Variants in GADL1 observed in about 807,000 individuals in gnomAD.
The protein encoded by GADL1 is GAD like acidic amino acid decarboxylase 1, also known as acidic amino acid decarboxylase GADL1.
In GADL1, 71 loss-of-function variants were observed where a neutral mutation model predicts 69.5. That is an observed-to-expected ratio of 1.02 (90% CI 0.84 to 1.25). The LOEUF (loss-of-function observed/expected upper bound fraction) is 1.25. Ranked by LOEUF, GADL1 falls within the 50% of genes most tolerant of loss-of-function variation. The pLI is 0.00. For missense variants in GADL1, 737 were observed against 631.8 expected (o/e 1.17, Z -1.79); for synonymous variants, 254 against 214.4 (o/e 1.18, Z -1.62).
chr3:30,785,147 G>A (rs6806588), intron 13 of GADL1, among the ~76,000 whole-genome samples: 34,847 of 151,716 alleles, frequency 0.23, 4,704 homozygotes, highest in Non-Finnish European at 0.3. Context: ...TCTATAACCT[G>A]TCTAATTATT....
intron 14 of GADL1, among the ~76,000 whole-genome samples, chr3:30,740,287 CT>C (rs1046779798): frequency 2.2e-4 from 33 of 152,164 alleles, no homozygotes; most frequent in African/African-American, 7.7e-4. Context: ...TATTCAAGAT[CT>C]TTTTTTGGGA....
chr3:30,752,086 T>G (rs908397740), intron 14 of GADL1, among the ~76,000 whole-genome samples: 1 of 150,330 alleles, frequency 6.7e-6, no homozygotes, highest in East Asian at 1.9e-4. Context: ...TTCGTTAAAG[T>G]ACTGCTGTGG....
At chr3:30,803,069 G>A (rs887113899) in intron 11 of GADL1, among the ~76,000 whole-genome samples, 10 of 152,186 alleles carry the variant, frequency 6.6e-5, no homozygotes, top group Non-Finnish European at 1.2e-4. Context: ...ACCAGCCTAC[G>A]CAACACAGTG....
chr3:30,860,242 C>T (rs1314055768), intron 2 of GADL1, among the ~76,000 whole-genome samples: 1 of 151,840 alleles, frequency 6.6e-6, no homozygotes, highest in Non-Finnish European at 1.5e-5. Flanking sequence ...TACTGGGACC[C>T]CCCGCTGCCT....
chr3:30,839,514 C>CAAAAAAAA (rs764490080), intron 8 of GADL1, among the ~76,000 whole-genome samples: 3 of 105,648 alleles, frequency 2.8e-5, no homozygotes, highest in Middle Eastern at 5.3e-3. Flanking sequence ...GTCATCTTCT[C>CAAAAAAAA]AAAAAAAAAA....
At chr3:30,846,815 A>G (rs753654507) in intron 6 of GADL1, among the ~76,000 whole-genome samples, 122 of 152,214 alleles carry the variant, frequency 8.0e-4, no homozygotes, top group Non-Finnish European at 9.3e-4. Context: ...ATCACATCCC[A>G]TCGCAACTCA....
chr3:30,777,679 AT>A (rs112173599), intron 14 of GADL1, among the ~76,000 whole-genome samples: 2 of 152,218 alleles, frequency 1.3e-5, no homozygotes, highest in South Asian at 4.1e-4. Flanking sequence ...TTCCAAGCAC[AT>A]TTTGTTCGAT....
rs138724639 is a variant in GADL1 at position 30,818,132 on chromosome 3, C to A, written c.1050+15721G>T. Reference sequence around the variant, plus strand: ...ATCCATAGACATGGGCATAATGAACCCTTGCTCCATCCCGCTGCCCTACCA... The same window carrying A: ...ATCCATAGACATGGGCATAATGAACACTTGCTCCATCCCGCTGCCCTACCA... On this transcript the variant is annotated intron_variant, in intron 11 of 14. Coordinates refer to ENST00000282538, the MANE Select transcript of GADL1 (RefSeq NM_207359.3). Among the ~76,000 whole-genome samples, 463 of 152,184 alleles carry A rather than the reference C, an allele frequency of 3.0e-3. 2 individuals are homozygous for A. The highest frequency in any genetic ancestry group is 0.01 in the African/African-American group (435 of 41,522).
Position 30,758,286 on chromosome 3 carries a change from G to A in GADL1, c.1392+19893C>T, listed in dbSNP as rs1345426114. 2.0e-5 allele frequency among the ~76,000 whole-genome samples: 3 copies of A among 152,190 alleles called. No homozygotes were observed. In the East Asian group the frequency reaches 5.8e-4, roughly 29 times the overall value. Reference sequence around the variant, plus strand: ...TGAACACCTTTGACAGCTTGGTGGAGCACTCCACTCTCTGAAAGAGCCCCT... The same window carrying A: ...TGAACACCTTTGACAGCTTGGTGGAACACTCCACTCTCTGAAAGAGCCCCT... On this transcript the variant is annotated intron_variant, in intron 14 of 14. Coordinates refer to ENST00000282538, the MANE Select transcript of GADL1 (RefSeq NM_207359.3).
At chr3:30,820,309 A>G (rs969294232) in intron 11 of GADL1, among the ~76,000 whole-genome samples, 1 of 152,074 alleles carries the variant, frequency 6.6e-6, no homozygotes, top group African/African-American at 2.4e-5. Flanking sequence ...CAACTTCAAT[A>G]AAATCACAAA....
intron 14 of GADL1, among the ~76,000 whole-genome samples, chr3:30,755,898 T>C (rs2125481555): frequency 6.6e-6 from 1 of 152,320 alleles, no homozygotes; most frequent in East Asian, 1.9e-4. Context: ...TTTAAATGGC[T>C]GGTTCCTCTG....
chr3:30,814,298 C>T, intron 11 of GADL1, among the ~76,000 whole-genome samples: 1 of 152,044 alleles, frequency 6.6e-6, no homozygotes, highest in East Asian at 1.9e-4. Context: ...ATAGTTAATC[C>T]CAGAATTTCC....
chr3:30,838,902 G>A (rs777532231), intron 9 of GADL1, 95 bp downstream of exon 9: 6 of 676,912 alleles, frequency 8.9e-6, no homozygotes, highest in Non-Finnish European at 1.3e-5. Flanking sequence ...AAGCGTTGGG[G>A]ACTCCACATC....
At chr3:30,767,268 TTTAAC>T (rs1359149924) in intron 14 of GADL1, among the ~76,000 whole-genome samples, 1 of 152,144 alleles carries the variant, frequency 6.6e-6, no homozygotes, top group Non-Finnish European at 1.5e-5. Context: ...AGATGCCCTT[TTTAAC>T]TTAAAGAGTT....
intron 6 of GADL1, among the ~76,000 whole-genome samples, chr3:30,848,166 A>G (rs916597289): frequency 1.3e-5 from 2 of 152,140 alleles, no homozygotes; most frequent in African/African-American, 4.8e-5. Context: ...TAACAATCCC[A>G]AATAATCAAG....
chr3:30,894,637 G>T lies in GADL1; in HGVS notation c.-23C>A. The T allele has an allele frequency of 1.3e-6, 2 of 1,548,860 alleles. No homozygotes were observed. Among genetic ancestry groups the T allele is most frequent in the Non-Finnish European group, 1.7e-6 (2 of 1,145,478 alleles). The stretch of plus-strand genomic sequence containing the variant: ...CATCTCCGCTCCCCCACTCCAGGCT[G>T]CCCCGGGCGCGGCTCCCGCAGTCTG... On this transcript the variant is annotated 5_prime_UTR_variant, in exon 1 of 15. Coordinates refer to ENST00000282538, the MANE Select transcript of GADL1 (RefSeq NM_207359.3).
intron 6 of GADL1, 22 bp from the exon 7 acceptor site, chr3:30,844,488 G>A (rs1400599375): frequency 6.8e-7 from 1 of 1,470,662 alleles, no homozygotes; most frequent in South Asian, 1.1e-5. Flanking sequence ...GGGACAGTGG[G>A]GAAGGGGGAG....
chr3:30,820,456 A>G (rs1364153288), intron 11 of GADL1, among the ~76,000 whole-genome samples: 1 of 152,188 alleles, frequency 6.6e-6, no homozygotes, highest in Non-Finnish European at 1.5e-5. Context: ...TTGGAAATGC[A>G]AGAGAATAAC....
chr3:30,777,902 T>C (rs1696573013), intron 14 of GADL1, among the ~76,000 whole-genome samples: 1 of 152,222 alleles, frequency 6.6e-6, no homozygotes, highest in African/African-American at 2.4e-5. Flanking sequence ...TTTAACCTTG[T>C]GTCCCATGAC....
Sources: gnomAD v4.1 joint callset for allele counts (sites outside exome capture counted in the v4.1 genomes callset) on GRCh38, gnomAD v4.1.1 for gene constraint, MANE v1.5 for transcripts, NCBI Gene and HGNC (gene_info 2026-07-23, HGNC 2026-07-21) for gene names.